The following POLR2G variants were observed in gnomAD, a reference collection of about 807,000 sequenced individuals.
The protein encoded by POLR2G is RNA polymerase II subunit G, also known as DNA-directed RNA polymerase II subunit RPB7.
A neutral mutation model predicts 25.7 loss-of-function variants in POLR2G; 19 were observed. That is an observed-to-expected ratio of 0.74 (90% CI 0.52 to 1.08). The LOEUF is 1.08. Ranked by LOEUF, POLR2G falls within the 50% of genes least tolerant of loss-of-function variation. POLR2G has a pLI of 0.00. For synonymous variants in POLR2G, 79 were observed against 76.0 expected (o/e 1.04, Z -0.21); for missense variants, 123 against 218.5 (o/e 0.56, Z 2.76).
rs1219593749 is a variant in POLR2G at position 62,762,999 on chromosome 11, G to A, written c.255G>A (p.Val85=). Residue 85 remains valine, a synonymous_variant, in exon 3 of 8, where the codon GTG becomes GTA. Coordinates refer to ENST00000301788, the MANE Select transcript of POLR2G (RefSeq NM_002696.3). ...TCCGGCCATTTAAAGGGGAGGTCGT[G>A]GATGCTGTTGTCACTCAGGTCAACA... ...IVFRPFKGEV[V]DAVVTQVNKV... The A allele has an allele frequency of 6.2e-7, 1 of 1,606,716 alleles. No homozygotes were observed. Among genetic ancestry groups the A allele is most frequent in the Non-Finnish European group, 8.5e-7 (1 of 1,174,782 alleles).
At chr11:62,761,981 T>C (rs1311731584) in intron 2 of POLR2G, 77 bp downstream of exon 2, 1 of 1,028,606 alleles carries the variant, frequency 9.7e-7, no homozygotes, top group East Asian at 2.4e-5. Flanking sequence ...CCTCCCCAAC[T>C]CCTACTCGTC....
In POLR2G at chr11:62,761,679, G is replaced by A; in HGVS notation, c.12+19G>A. ...CTACCATGTGAGCAGGGCTCAGGGT[G>A]GCGGCAAGGGCTGGGTGGAAAGGAA... On this transcript the variant is annotated intron_variant, in intron 1 of 7. Coordinates refer to ENST00000301788, the MANE Select transcript of POLR2G (RefSeq NM_002696.3). 1.9e-6 allele frequency: 3 copies of A among 1,611,886 alleles called. No homozygotes were observed. The highest frequency in any genetic ancestry group is 1.3e-5 in the African/African-American group (1 of 75,028).
chr11:62,763,318 G>A (rs1420364822), intron 3 of POLR2G, among the ~76,000 whole-genome samples: 6 of 140,724 alleles, frequency 4.3e-5, no homozygotes, highest in East Asian at 4.3e-4. Context: ...TTTTTGAGAC[G>A]GAGTCTCGCT....
intron 3 of POLR2G, 149 bp downstream of exon 3, chr11:62,763,175 C>T (rs1032718270): frequency 6.3e-6 from 3 of 478,216 alleles, no homozygotes; most frequent in African/African-American, 4.1e-5. Context: ...CTCTGTTGCC[C>T]AGGCTGGAGT....
In POLR2G at chr11:62,761,810, G is replaced by A; in HGVS notation, c.28G>A (p.Glu10Lys). The change falls in exon 2 of 8, where the codon GAA becomes AAA. Residue 10 changes from glutamate (E) to lysine (K), a missense_variant. Coordinates refer to ENST00000301788, the MANE Select transcript of POLR2G (RefSeq NM_002696.3). The part of the protein sequence containing the change: MFYHISLEH[E>K]ILLHPRYFGP... ...TTCTCCGCAGATCTCCCTAGAGCAC[G>A]AAATCCTGCTGCACCCGCGCTACTT... 1 of 1,614,036 alleles carries A rather than the reference G, an allele frequency of 6.2e-7. No homozygotes were observed. The highest frequency in any genetic ancestry group is 8.5e-7 in the Non-Finnish European group (1 of 1,180,010).
At chr11:62,765,303 A>C in intron 4 of POLR2G, 37 bp from the exon 5 acceptor site, 1 of 1,608,878 alleles carries the variant, frequency 6.2e-7, no homozygotes, top group South Asian at 1.1e-5. Flanking sequence ...TGAAGCATCC[A>C]TTTAAAGTGC....
chr11:62,762,959 ACAAGG>A lies in POLR2G; in HGVS notation c.217_221del (p.Lys73HisfsTer7). ...GGCTTTGTCCTTTATCCAGTTAAGT[ACAAGG>A]CCATTGTTTTCCGGCCATTTAAAGG... On this transcript the variant is annotated frameshift_variant, in exon 3 of 8. Transcript: ENST00000301788. LOFTEE classifies it high-confidence loss of function. 6.2e-7 allele frequency: 1 copy of A among 1,612,134 alleles called. No individual in the cohort carries two copies. Among genetic ancestry groups the A allele is most frequent in the East Asian group, 2.2e-5 (1 of 44,782 alleles).
chr11:62,764,375 C>T (rs911019824), intron 3 of POLR2G, among the ~76,000 whole-genome samples: 2 of 152,038 alleles, frequency 1.3e-5, no homozygotes, highest in Non-Finnish European at 2.9e-5. Context: ...GCATGAGAAT[C>T]ACTTGAACCT....
chr11:62,765,754 A>G (rs1226429639), intron 6 of POLR2G, 30 bp downstream of exon 6: 5 of 1,289,986 alleles, frequency 3.9e-6, no homozygotes, highest in Non-Finnish European at 5.6e-6. Context: ...CTCTACCTAT[A>G]CCAGGTTGAG....
rs1199807374 is a variant in POLR2G, at chr11:62,762,992, A to T, written c.248A>T (p.Glu83Val). 6.2e-7 allele frequency: 1 copy of T among 1,609,756 alleles called. No homozygotes were observed. The highest frequency in any genetic ancestry group is 1.7e-5 in the Admixed American group (1 of 59,818). ...ATTGTTTTCCGGCCATTTAAAGGGGAGGTCGTGGATGCTGTTGTCACTCAG... is the reference window on the plus strand; with the variant it reads ...ATTGTTTTCCGGCCATTTAAAGGGGTGGTCGTGGATGCTGTTGTCACTCAG... Reference protein sequence around the residue: ...KAIVFRPFKGEVVDAVVTQVN... With the variant: ...KAIVFRPFKGVVVDAVVTQVN... The change falls in exon 3 of 8, where the codon GAG (glutamate) becomes GTG (valine). Residue 83 changes from glutamate to valine, a missense_variant. Glu to Val is a moderately radical substitution (Grantham distance 121). Coordinates refer to ENST00000301788, the MANE Select transcript of POLR2G (RefSeq NM_002696.3).
At chr11:62,762,101 A>C in intron 2 of POLR2G, 197 bp downstream of exon 2, 1 of 588,664 alleles carries the variant, frequency 1.7e-6, no homozygotes, top group Non-Finnish European at 3.0e-6. Context: ...TCCTTCTCTC[A>C]GCTGAGATGG....
At position 62,763,327 on chromosome 11, in the gene POLR2G, C is replaced by T. The variant is rs2084098520; in HGVS notation, c.282+301C>T. ...TTTTTTTTTTTGAGACGGAGTCTCG[C>T]TTTGTCACCCAGGCTGGTGTGCAGT... is the stretch of plus-strand genomic sequence containing the variant. On this transcript the variant is annotated intron_variant, in intron 3 of 7. Coordinates refer to ENST00000301788, the MANE Select transcript of POLR2G (RefSeq NM_002696.3). Among the ~76,000 whole-genome samples the T allele has an allele frequency of 3.4e-5, 5 of 149,130 alleles. No individual in the cohort carries two copies. In the South Asian group the frequency reaches 1.1e-3, roughly 32 times the overall value.
intron 6 of POLR2G, 26 bp downstream of exon 6, chr11:62,765,750 C>T (rs2084112474): frequency 7.3e-7 from 1 of 1,379,044 alleles, no homozygotes; most frequent in African/African-American, 1.4e-5. Flanking sequence ...ACCTCTCTAC[C>T]TATACCAGGT....
In POLR2G at chr11:62,765,695, G is replaced by A. The variant is rs2084112200; in HGVS notation, c.442G>A (p.Val148Met). 6.2e-7 allele frequency: 1 copy of A among 1,610,330 alleles called. No individual in the cohort carries two copies. Among genetic ancestry groups the A allele is most frequent in the Non-Finnish European group, 8.5e-7 (1 of 1,176,638 alleles). The change falls in exon 6 of 8, where the codon GTG becomes ATG. Residue 148 changes from valine to methionine, a missense_variant. Physicochemically the swap from Val to Met is conservative, Grantham distance 21. Transcript: ENST00000301788. ...QQDDEIRLKI[V>M]GTRVDKNDIF... ...GGACGATGAGATCCGCTTAAAGATT[G>A]TGGGGACCCGTGTGGACAAGAATGA...
chr11:62,762,834 A>C (rs755743606), intron 2 of POLR2G, 33 bp from the exon 3 acceptor site: 1 of 1,544,396 alleles, frequency 6.5e-7, no homozygotes, highest in Non-Finnish European at 8.8e-7. Context: ...TCTTGGACAC[A>C]CAGTGTCTTC....
chr11:62,763,341 C>T (rs2084098614), intron 3 of POLR2G, among the ~76,000 whole-genome samples: 1 of 138,854 alleles, frequency 7.2e-6, no homozygotes, highest in East Asian at 2.2e-4. Flanking sequence ...GTCACCCAGG[C>T]TGGTGTGCAG....
chr11:62,763,126 TC>T, intron 3 of POLR2G, 100 bp downstream of exon 3: 1 of 524,208 alleles, frequency 1.9e-6, no homozygotes, highest in Non-Finnish European at 3.0e-6. Context: ...CTAAGTCACT[TC>T]ACTTTTTTTT....
chr11:62,765,452 T>C, intron 5 of POLR2G, 47 bp downstream of exon 5: 1 of 1,486,004 alleles, frequency 6.7e-7, no homozygotes, highest in Non-Finnish European at 9.4e-7. Flanking sequence ...GAATCAGCCA[T>C]CCTGAGGGAG....
intron 3 of POLR2G, among the ~76,000 whole-genome samples, chr11:62,764,378 T>C (rs1279959632): frequency 6.6e-6 from 1 of 152,078 alleles, no homozygotes; most frequent in Admixed American, 6.6e-5. Context: ...TGAGAATCAC[T>C]TGAACCTGGG....
Sources: allele counts gnomAD v4.1 joint callset (sites outside exome capture counted in the v4.1 genomes callset), GRCh38; gene constraint gnomAD v4.1.1; transcripts MANE v1.5; gene names NCBI Gene and HGNC (gene_info 2026-07-23, HGNC 2026-07-21).